Variants in GOLPH3L observed in about 807,000 individuals in gnomAD.
GOLPH3L encodes golgi phosphoprotein 3 like, also known as Golgi phosphoprotein 3-like.
GOLPH3L carries 22 observed loss-of-function variants against 30.3 expected under a neutral mutation model. That is an observed-to-expected ratio of 0.73 (90% CI 0.52 to 1.04). GOLPH3L has a LOEUF of 1.04. Ranked by LOEUF, GOLPH3L falls within the 50% of genes least tolerant of loss-of-function variation. GOLPH3L has a pLI of 0.00. For missense variants in GOLPH3L, 303 were observed against 345.8 expected, an observed-to-expected ratio of 0.88 and a Z score of 0.98; for synonymous variants, 120 against 128.2, an observed-to-expected ratio of 0.94 and a Z score of 0.43.
At chr1:150,695,786 C>T (rs1651338585) in intron 1 of GOLPH3L, among the ~76,000 whole-genome samples, 1 of 152,046 alleles carries the variant, frequency 6.6e-6, no homozygotes, top group African/African-American at 2.4e-5. Context: ...AGTAATTCCA[C>T]AGTCAGTAAA....
intron 2 of GOLPH3L, among the ~76,000 whole-genome samples, chr1:150,669,962 CAA>C (rs148601488): frequency 3.4e-5 from 5 of 145,380 alleles, no homozygotes; most frequent in East Asian, 2.0e-4. Flanking sequence ...AACTCCGTCT[CAA>C]AAAAAAAAAC....
intron 4 of GOLPH3L, among the ~76,000 whole-genome samples, chr1:150,653,920 G>C (rs766674746): frequency 2.0e-5 from 3 of 151,530 alleles, no homozygotes; most frequent in Admixed American, 2.0e-4. Context: ...CCACCACCAC[G>C]CCCAGCTAAT....
chr1:150,683,531 C>CAAAAA (rs35646727), intron 2 of GOLPH3L, among the ~76,000 whole-genome samples: 5 of 55,554 alleles, frequency 9.0e-5, no homozygotes, highest in Non-Finnish European at 1.0e-4. Flanking sequence ...GACTCTGTCT[C>CAAAAA]AAAAAAAAAA....
At chr1:150,667,049 G>A (rs918263677) in intron 2 of GOLPH3L, among the ~76,000 whole-genome samples, 1 of 152,124 alleles carries the variant, frequency 6.6e-6, no homozygotes, top group Non-Finnish European at 1.5e-5. Context: ...AGGGATTGTG[G>A]GAGTGCCACA....
chr1:150,669,802 AAAT>A (rs1650600593), intron 2 of GOLPH3L, among the ~76,000 whole-genome samples: 1 of 151,972 alleles, frequency 6.6e-6, no homozygotes, highest in South Asian at 2.1e-4. Context: ...TCTCTACTAA[AAAT>A]ACAAAAATTA....
chr1:150,655,261 T>C (rs371692822), intron 4 of GOLPH3L, among the ~76,000 whole-genome samples: 6 of 152,180 alleles, frequency 3.9e-5, no homozygotes, highest in African/African-American at 1.2e-4. Flanking sequence ...CAATTTAACA[T>C]AGTTGGAGTT....
chr1:150,687,216 C>T (rs7520511), intron 2 of GOLPH3L, among the ~76,000 whole-genome samples: 2 of 151,548 alleles, frequency 1.3e-5, no homozygotes, highest in African/African-American at 4.9e-5. Context: ...CTTTTTAAGG[C>T]GGCCAATTTT....
At chr1:150,672,949 G>A (rs770513866) in intron 2 of GOLPH3L, among the ~76,000 whole-genome samples, 1 of 151,882 alleles carries the variant, frequency 6.6e-6, no homozygotes, top group Non-Finnish European at 1.5e-5. Context: ...GTAGAAAGAT[G>A]CAAAGCTAGT....
intron 2 of GOLPH3L, among the ~76,000 whole-genome samples, chr1:150,674,328 T>C (rs1019731076): frequency 5.9e-5 from 9 of 151,854 alleles, no homozygotes; most frequent in African/African-American, 2.2e-4. Context: ...TGGCATGATC[T>C]TGGCTCATTG....
chr1:150,687,411 C>G (rs1281851609), intron 2 of GOLPH3L, among the ~76,000 whole-genome samples: 1 of 151,938 alleles, frequency 6.6e-6, no homozygotes, highest in Non-Finnish European at 1.5e-5. Flanking sequence ...AACCCCGTTT[C>G]TACTAAAAAT....
At chr1:150,690,055 C>T (rs7529998) in intron 2 of GOLPH3L, among the ~76,000 whole-genome samples, 58,460 of 151,716 alleles carry the variant, frequency 0.39, 11,584 homozygotes, top group South Asian at 0.55. Context: ...GGCACAAACA[C>T]AGCTCACTCC....
At chr1:150,683,044 AG>A (rs1326739201) in intron 2 of GOLPH3L, among the ~76,000 whole-genome samples, 1 of 152,164 alleles carries the variant, frequency 6.6e-6, no homozygotes, top group Non-Finnish European at 1.5e-5. Flanking sequence ...ATGCTTCTGT[AG>A]GAAGATAAGC....
intron 4 of GOLPH3L, among the ~76,000 whole-genome samples, chr1:150,651,625 A>G (rs2175615): frequency 0.37 from 51,374 of 138,486 alleles, 10,122 homozygotes; most frequent in South Asian, 0.54. Flanking sequence ...CTCCAGCCTC[A>G]GCGACAGAGC....
In GOLPH3L at chr1:150,655,160, A is replaced by G. The variant is rs587736870; in HGVS notation, c.431-6412T>C. 1.2e-4 allele frequency among the ~76,000 whole-genome samples: 18 copies of G among 152,326 alleles called. No homozygotes were observed. In the South Asian group the frequency reaches 3.5e-3, roughly 30 times the overall value. On this transcript the variant is annotated intron_variant, in intron 4 of 4. Coordinates refer to ENST00000271732, the MANE Select transcript of GOLPH3L (RefSeq NM_018178.6). Reference sequence around the variant, plus strand: ...CTACCTGTGAAATAACTATTCAGGGAAAGAAATTTAAAGGTTTGGTAGCTA... The same window carrying G: ...CTACCTGTGAAATAACTATTCAGGGGAAGAAATTTAAAGGTTTGGTAGCTA...
At position 150,677,957 on chromosome 1, in the gene GOLPH3L, A is replaced by G. The variant is rs190022375; in HGVS notation, c.184-14194T>C. On this transcript the variant is annotated intron_variant, in intron 2 of 4. Transcript: ENST00000271732. ...AGTTGTTTCTTATAAGAGATATGTCATGATGTTGGCTATGGGTTATCAAGT... is the reference window on the plus strand; with the variant it reads ...AGTTGTTTCTTATAAGAGATATGTCGTGATGTTGGCTATGGGTTATCAAGT... 5.3e-4 allele frequency among the ~76,000 whole-genome samples: 80 copies of G among 151,930 alleles called. 1 individual carries two copies. The East Asian group carries it at 0.011, about 20-fold the overall frequency.
chr1:150,670,401 TC>T (rs1650615928), intron 2 of GOLPH3L, among the ~76,000 whole-genome samples: 1 of 151,862 alleles, frequency 6.6e-6, no homozygotes. Context: ...ATCGAGACCA[TC>T]CTGGCTAACA....
intron 2 of GOLPH3L, among the ~76,000 whole-genome samples, chr1:150,673,048 G>A (rs985087069): frequency 1.3e-5 from 2 of 151,900 alleles, no homozygotes; most frequent in East Asian, 1.9e-4. Context: ...ATGCTAATGC[G>A]TTGTCAGTGA....
chr1:150,675,142 G>T (rs1166719743), intron 2 of GOLPH3L, among the ~76,000 whole-genome samples: 2 of 152,108 alleles, frequency 1.3e-5, no homozygotes, highest in African/African-American at 4.8e-5. Flanking sequence ...AGCCTCCCAA[G>T]TAGCTAGGAT....
intron 2 of GOLPH3L, among the ~76,000 whole-genome samples, chr1:150,667,670 T>A (rs1650540208): frequency 6.6e-6 from 1 of 151,380 alleles, no homozygotes; most frequent in Non-Finnish European, 1.5e-5. Context: ...CTCGGCTGAC[T>A]GTAAGCTCCA....
Sources: allele counts gnomAD v4.1 joint callset (sites outside exome capture counted in the v4.1 genomes callset), GRCh38; gene constraint gnomAD v4.1.1; transcripts MANE v1.5; gene names NCBI Gene and HGNC (gene_info 2026-07-23, HGNC 2026-07-21).